Variants in USP32 observed in about 807,000 individuals in gnomAD.
The protein encoded by USP32 is ubiquitin carboxyl-terminal hydrolase 32.
A neutral mutation model predicts 204.8 loss-of-function variants in USP32; 59 were observed. That is an observed-to-expected ratio of 0.29 (90% CI 0.23 to 0.36). USP32 has a LOEUF of 0.36. USP32 is among the 10% of genes least tolerant of loss of function. The probability of loss-of-function intolerance (pLI) is 1.00; values close to 1 mark genes in which losing one functional copy is unlikely to be tolerated. For missense variants in USP32, 1,160 were observed against 1,946.4 expected, an observed-to-expected ratio of 0.60 and a Z score of 7.60; for synonymous variants, 517 against 678.4, an observed-to-expected ratio of 0.76 and a Z score of 3.70.
chr17:60,248,406 C>T (rs899657361), intron 11 of USP32, among the ~76,000 whole-genome samples: 17 of 152,100 alleles, frequency 1.1e-4, no homozygotes, highest in Admixed American at 2.0e-4. Flanking sequence ...TAATAATTTT[C>T]GAGAAATTTT....
At position 60,183,195 on chromosome 17, in the gene USP32, G is replaced by A. The variant is rs576525244; in HGVS notation, c.4093C>T (p.Leu1365Phe). Residue 1365 changes from leucine to phenylalanine, a missense_variant, in exon 31 of 34, where the codon CTC (leucine) becomes TTC (phenylalanine). By Grantham distance (22) the Leu-to-Phe change is conservative (BLOSUM62 0). Transcript: ENST00000300896. ...DVLLSKSPSS[L>F]SANIISSPKG... ...GGGCTGCTGATGATGTTAGCGCTGA[G>A]TGAGGATGGGCTTTTGCTCAGGAGC... is the stretch of plus-strand genomic sequence containing the variant. The A allele has an allele frequency of 7.4e-6, 12 of 1,613,890 alleles. No individual in the cohort carries two copies. In the South Asian group the frequency reaches 1.2e-4, roughly 16 times the overall value.
chr17:60,345,942 G>T (rs548238834), intron 1 of USP32, among the ~76,000 whole-genome samples: 1 of 151,724 alleles, frequency 6.6e-6, no homozygotes, highest in Non-Finnish European at 1.5e-5. Flanking sequence ...AGACCATGCC[G>T]CCGCACTCCA....
intron 1 of USP32, among the ~76,000 whole-genome samples, chr17:60,402,619 C>T (rs2089944928): frequency 6.6e-6 from 1 of 152,204 alleles, no homozygotes; most frequent in African/African-American, 2.4e-5. Context: ...GTATGCATTA[C>T]TTTGCTTACA....
At chr17:60,261,374 C>T (rs566934621) in intron 9 of USP32, among the ~76,000 whole-genome samples, 87 of 152,182 alleles carry the variant, frequency 5.7e-4, no homozygotes, top group Middle Eastern at 6.8e-3. Flanking sequence ...AGGCCAGGCA[C>T]GGTGGCTCAC....
intron 1 of USP32, among the ~76,000 whole-genome samples, chr17:60,385,911 A>G (rs2089723573): frequency 6.6e-6 from 1 of 152,070 alleles, no homozygotes; most frequent in African/African-American, 2.4e-5. Context: ...TAAGTCCCTA[A>G]TAAAGAGGGG....
At chr17:60,317,482 C>G (rs1375608404) in intron 2 of USP32, among the ~76,000 whole-genome samples, 2 of 149,890 alleles carry the variant, frequency 1.3e-5, no homozygotes, top group Non-Finnish European at 1.5e-5. Context: ...AGCCACTGCA[C>G]TCCAGCCTGG....
At chr17:60,416,480 A>C (rs1383464664) in intron 1 of USP32, among the ~76,000 whole-genome samples, 1 of 152,150 alleles carries the variant, frequency 6.6e-6, no homozygotes, top group Non-Finnish European at 1.5e-5. Flanking sequence ...CCTAAAGTAT[A>C]TGGCACATAT....
intron 12 of USP32, among the ~76,000 whole-genome samples, chr17:60,227,772 A>G (rs2085434483): frequency 6.6e-6 from 1 of 152,076 alleles, no homozygotes; most frequent in African/African-American, 2.4e-5. Context: ...ATGATTAAAT[A>G]ACTAATTAAT....
intron 1 of USP32, 75 bp from the exon 2 acceptor site, chr17:60,345,683 C>A (rs2088768861): frequency 6.3e-7 from 1 of 1,598,140 alleles, no homozygotes; most frequent in Non-Finnish European, 8.5e-7. Flanking sequence ...TTCAACCTGG[C>A]TCCTAAGAAA....
At chr17:60,301,526 C>T (rs2087575150) in intron 3 of USP32, 73 bp downstream of exon 3, 4 of 905,466 alleles carry the variant, frequency 4.4e-6, no homozygotes, top group Non-Finnish European at 6.4e-6. Context: ...AAATCCTCTA[C>T]CTGTCATCAG....
intron 1 of USP32, among the ~76,000 whole-genome samples, chr17:60,350,667 G>C (rs2088926513): frequency 6.6e-6 from 1 of 151,998 alleles, no homozygotes; most frequent in Non-Finnish European, 1.5e-5. Context: ...TTCAGAAAAG[G>C]ACAAAGGGAC....
intron 4 of USP32, among the ~76,000 whole-genome samples, chr17:60,291,408 T>C (rs2087269147): frequency 6.6e-6 from 1 of 152,196 alleles, no homozygotes; most frequent in South Asian, 2.1e-4. Flanking sequence ...CCTAGGTAGA[T>C]TCCTTTATAA....
At chr17:60,301,004 C>A (rs2087559911) in intron 3 of USP32, among the ~76,000 whole-genome samples, 1 of 152,230 alleles carries the variant, frequency 6.6e-6, no homozygotes, top group African/African-American at 2.4e-5. Flanking sequence ...TTCATCCATA[C>A]TGTAGCATGA....
At chr17:60,380,628 T>C (rs2089631317) in intron 1 of USP32, among the ~76,000 whole-genome samples, 1 of 152,170 alleles carries the variant, frequency 6.6e-6, no homozygotes, top group Non-Finnish European at 1.5e-5. Flanking sequence ...ACTTAATGCT[T>C]ATTGTAGAGA....
At chr17:60,331,411 A>T (rs2088380160) in intron 2 of USP32, among the ~76,000 whole-genome samples, 1 of 151,142 alleles carries the variant, frequency 6.6e-6, no homozygotes, top group Non-Finnish European at 1.5e-5. Context: ...ACAAAAAAAT[A>T]CAAGTTAGCC....
intron 1 of USP32, among the ~76,000 whole-genome samples, chr17:60,398,621 G>T (rs1427982682): frequency 6.6e-6 from 1 of 152,060 alleles, no homozygotes; most frequent in Non-Finnish European, 1.5e-5. Flanking sequence ...TATTCATAAA[G>T]CACTTTTTGT....
intron 1 of USP32, among the ~76,000 whole-genome samples, chr17:60,391,235 G>A (rs182578482): frequency 2.0e-5 from 3 of 152,308 alleles, no homozygotes; most frequent in African/African-American, 7.2e-5. Context: ...CTAAGACAAG[G>A]TCTGGTGCCA....
Position 60,288,522 on chromosome 17 carries a change from C to T in USP32, c.571+1G>A. ...GAAAACAATGAAATGTCATTACTTA[C>T]AATGTGTGACTCCAGCCAGAGTTTG... On this transcript the variant is annotated splice_donor_variant, in intron 5 of 33. Transcript: ENST00000300896. LOFTEE classifies it high-confidence loss of function. 2 of 1,583,706 alleles carry T rather than the reference C, an allele frequency of 1.3e-6. No homozygotes were observed. The highest frequency in any genetic ancestry group is 8.5e-7 in the Non-Finnish European group (1 of 1,170,516).
In USP32 at chr17:60,192,826, T is replaced by G; in HGVS notation, c.3521+18A>C. The G allele has an allele frequency of 1.2e-6, 2 of 1,611,910 alleles. No homozygotes were observed. The highest frequency in any genetic ancestry group is 2.2e-5 in the South Asian group (2 of 91,022). ...AGCTGAAATTCTACTAAAGTAATTC[T>G]TTTGCAGGTCACTTTACCTATACCA... On this transcript the variant is annotated intron_variant, in intron 28 of 33. Transcript: ENST00000300896.
Sources: allele counts gnomAD v4.1 joint callset (sites outside exome capture counted in the v4.1 genomes callset), GRCh38; gene constraint gnomAD v4.1.1; transcripts MANE v1.5; gene names NCBI Gene and HGNC (gene_info 2026-07-23, HGNC 2026-07-21).